GAL3ST1: variants seen among roughly 807,000 people sequenced by gnomAD.
The protein encoded by GAL3ST1 is galactosylceramide sulfotransferase.
Under a neutral mutation model 25.0 loss-of-function variants are expected in GAL3ST1, and 13 were observed. The observed-to-expected ratio is 0.52, with a 90% CI of 0.34 to 0.83. The LOEUF is 0.83. GAL3ST1 is among the 40% of genes least tolerant of loss of function. The pLI is 0.02. For missense variants in GAL3ST1, 474 were observed against 613.6 expected (o/e 0.77, Z 2.40); for synonymous variants, 274 against 277.8 (o/e 0.99, Z 0.14).
chr22:30,560,949 TTTTG>T (rs1353943989), intron 1 of GAL3ST1, among the ~76,000 whole-genome samples: 1 of 151,978 alleles, frequency 6.6e-6, no homozygotes, highest in East Asian at 1.9e-4. Context: ...CCATTTGCTC[TTTTG>T]TTTGTTTTTG....
rs758421855 is a variant in GAL3ST1, at chr22:30,555,457, G to A, written c.768C>T (p.Asp256=). 27 of 1,613,106 alleles carry A rather than the reference G, an allele frequency of 1.7e-5. No homozygotes were observed. The highest frequency in any genetic ancestry group is 2.2e-5 in the Non-Finnish European group (26 of 1,180,012). Residue 256 remains aspartate, a synonymous_variant, in exon 4 of 4, where the codon GAC becomes GAT. Coordinates refer to ENST00000406361, the MANE Select transcript of GAL3ST1 (RefSeq NM_001318104.2). The surrounding 1 kb of genome is among the most constrained non-coding windows in gnomAD (Gnocchi z 8.6). Reference sequence around the variant, plus strand: ...GGTCCTTCAGCAGCACCAGCGACTCGTCGAAGTACTCTTGAAGGAGCACCA... The same window carrying A: ...GGTCCTTCAGCAGCACCAGCGACTCATCGAAGTACTCTTGAAGGAGCACCA... ...FHLVLLQEYF[D]ESLVLLKDLL...
At chr22:30,563,548 C>T (rs750478012) in intron 1 of GAL3ST1, among the ~76,000 whole-genome samples, 4 of 151,594 alleles carry the variant, frequency 2.6e-5, no homozygotes, top group East Asian at 1.9e-4. Flanking sequence ...CCTGGGAGGT[C>T]GAGGCTGCAG....
In GAL3ST1 at chr22:30,555,826, G is replaced by A. The variant is rs111588718; in HGVS notation, c.399C>T (p.Ala133=). ...TGTGGTTGCAGATGATGTTGAAGCA[G>A]GCCCCGGGCCGATAGTCCTGCACCA... ...RSLVQDYRPG[A]CFNIICNHMR... is the part of the protein sequence containing the mutation. Residue 133 remains alanine (A), a synonymous_variant, in exon 4 of 4, where the codon GCC becomes GCT. Transcript: ENST00000406361. This position sits in a 1 kb window ranked among gnomAD's most constrained non-coding sequence, Gnocchi z 8.6. 7.4e-6 allele frequency: 12 copies of A among 1,614,088 alleles called. No homozygotes were observed. Among genetic ancestry groups the A allele is most frequent in the African/African-American group, 2.7e-5 (2 of 74,940 alleles).
chr22:30,556,114 G>T lies in GAL3ST1; in HGVS notation c.132-21C>A. 7 of 1,586,308 alleles carry T rather than the reference G, an allele frequency of 4.4e-6. No homozygotes were observed. In the Admixed American group the frequency reaches 1.0e-4, roughly 23 times the overall value. Reference sequence around the variant, plus strand: ...GGGTCCTGCTGGGGACAGAGAGGTGGGGAGAGCCTCAGGGGGGTGCTGGGG... The same window carrying T: ...GGGTCCTGCTGGGGACAGAGAGGTGTGGAGAGCCTCAGGGGGGTGCTGGGG... On this transcript the variant is annotated intron_variant, in intron 3 of 3. Coordinates refer to ENST00000406361, the MANE Select transcript of GAL3ST1 (RefSeq NM_001318104.2).
At chr22:30,556,575 G>C (rs1184882423) in intron 3 of GAL3ST1, among the ~76,000 whole-genome samples, 2 of 152,158 alleles carry the variant, frequency 1.3e-5, no homozygotes, top group Non-Finnish European at 2.9e-5. Context: ...CAGGAGCTGG[G>C]CCTGGAGTCA....
chr22:30,557,217 C>T, intron 3 of GAL3ST1, 45 bp downstream of exon 3: 1 of 1,599,456 alleles, frequency 6.3e-7, no homozygotes, highest in Non-Finnish European at 8.6e-7. Flanking sequence ...GGGGTGCCAT[C>T]CCTCCCCCAC....
intron 2 of GAL3ST1, 61 bp from the exon 3 acceptor site, chr22:30,557,462 G>T (rs754573941): frequency 3.8e-6 from 6 of 1,593,966 alleles, no homozygotes; most frequent in South Asian, 1.1e-5. Context: ...AGCCCCCAAG[G>T]CTGCCCAGGC....
intron 3 of GAL3ST1, among the ~76,000 whole-genome samples, chr22:30,556,593 C>T (rs559104721): frequency 1.3e-5 from 2 of 152,248 alleles, no homozygotes; most frequent in South Asian, 4.1e-4. Context: ...TCAGACCGAC[C>T]CGTTTGAATC....
chr22:30,567,832 C>A (rs574151125), intron 1 of GAL3ST1, among the ~76,000 whole-genome samples: 5 of 152,112 alleles, frequency 3.3e-5, no homozygotes, highest in African/African-American at 1.2e-4. Context: ...TACGGGCACC[C>A]GCCACCACAC....
Position 30,554,855 on chromosome 22 carries a change from G to T in GAL3ST1, c.*98C>A. 1 of 969,036 alleles carries T rather than the reference G, an allele frequency of 1.0e-6. No homozygotes were observed. The highest frequency in any genetic ancestry group is 1.5e-6 in the Non-Finnish European group (1 of 679,644). The allele number at this position is 969,036 out of a possible 1,614,324, so 60.0% of individuals were successfully genotyped here. ...CCCCCTCACCCCGGGGTCTGAGGTG[G>T]CACCAGGAGGGGGCTGGGGGCGGCC... On this transcript the variant is annotated 3_prime_UTR_variant, in exon 4 of 4. Transcript: ENST00000406361.
At chr22:30,562,060 T>G (rs2086443309) in intron 1 of GAL3ST1, among the ~76,000 whole-genome samples, 1 of 152,166 alleles carries the variant, frequency 6.6e-6, no homozygotes, top group South Asian at 2.1e-4. Flanking sequence ...ATGAGATAAT[T>G]TTTTTAAAAA....
intron 1 of GAL3ST1, among the ~76,000 whole-genome samples, chr22:30,568,968 C>T (rs553469497): frequency 6.7e-6 from 1 of 150,158 alleles, no homozygotes; most frequent in East Asian, 2.0e-4. Flanking sequence ...ACCAGCTACT[C>T]GGGAGGCTGA....
intron 1 of GAL3ST1, among the ~76,000 whole-genome samples, chr22:30,567,417 T>C (rs1601975135): frequency 6.6e-6 from 1 of 152,084 alleles, no homozygotes; most frequent in East Asian, 1.9e-4. Flanking sequence ...GGACTACAGG[T>C]ACGCACCACC....
rs138460948 is a variant in GAL3ST1 at position 30,557,365 on chromosome 22, C to T, written c.28G>A (p.Glu10Lys). ...AGCACCAGCCCCTTAGCCATGGACT[C>T]CCAGGGCTTCTTCTGCGGTGGCAGC... MLPPQKKPW[E>K]SMAKGLVLGA... The change falls in exon 3 of 4, where the codon GAG (glutamate) becomes AAG (lysine). Residue 10 changes from glutamate to lysine, a missense_variant. By Grantham distance (56) the Glu-to-Lys change is moderately conservative (BLOSUM62 1). Around this residue, in one of 2 missense-constraint regions of GAL3ST1, gnomAD observed 115 missense variants for 109.2 expected, o/e 1.05. Coordinates refer to ENST00000406361, the MANE Select transcript of GAL3ST1 (RefSeq NM_001318104.2). The T allele has an allele frequency of 1.7e-4, 268 of 1,614,092 alleles. No individual in the cohort carries two copies. In the African/African-American group the frequency reaches 2.1e-3, roughly 13 times the overall value.
intron 1 of GAL3ST1, among the ~76,000 whole-genome samples, chr22:30,569,254 G>A (rs2086711277): frequency 6.6e-6 from 1 of 152,090 alleles, no homozygotes; most frequent in Non-Finnish European, 1.5e-5. Flanking sequence ...GGATGGGGAA[G>A]GAGAGGGAGG....
At chr22:30,565,997 G>A (rs2086608473) in intron 1 of GAL3ST1, 1 of 152,234 alleles carries the variant, frequency 6.6e-6, no homozygotes, top group Non-Finnish European at 1.5e-5. Context: ...CACTTTCATA[G>A]GCTAAGCAGC....
At chr22:30,569,795 AC>A (rs2086728117) in intron 1 of GAL3ST1, among the ~76,000 whole-genome samples, 1 of 152,100 alleles carries the variant, frequency 6.6e-6, no homozygotes. Context: ...TCCCCCATAA[AC>A]CATTCCCCAG....
chr22:30,558,908 A>G (rs2086206731), intron 1 of GAL3ST1, among the ~76,000 whole-genome samples: 1 of 152,238 alleles, frequency 6.6e-6, no homozygotes, highest in African/African-American at 2.4e-5. Flanking sequence ...CTGTAATCCT[A>G]GCACTTTGGG....
chr22:30,560,582 G>A (rs1171678941), intron 1 of GAL3ST1, among the ~76,000 whole-genome samples: 1 of 152,048 alleles, frequency 6.6e-6, no homozygotes, highest in African/African-American at 2.4e-5. Context: ...CCACTTCTCA[G>A]CGACCCAGCA....
Sources: gnomAD v4.1 joint callset for allele counts (sites outside exome capture counted in the v4.1 genomes callset) on GRCh38, gnomAD v4.1.1 for gene constraint, gnomAD v4.1.1 regional missense constraint, Gnocchi (gnomAD v3.1) non-coding constraint, MANE v1.5 for transcripts, NCBI Gene and HGNC (gene_info 2026-07-23, HGNC 2026-07-21) for gene names.